The following ACTN1 variants were observed in gnomAD, a reference collection of about 807,000 sequenced individuals.
ACTN1 encodes actinin alpha 1.
In ACTN1, 30 loss-of-function variants were observed where a neutral mutation model predicts 119.6. The observed-to-expected ratio is 0.25, with a 90% CI of 0.19 to 0.34. ACTN1 has a LOEUF of 0.34. ACTN1 is among the 10% of genes least tolerant of loss of function. ACTN1 has a pLI of 1.00. For synonymous variants in ACTN1, 429 were observed against 472.6 expected (o/e 0.91, Z 1.20); for missense variants, 764 against 1,223.4 (o/e 0.62, Z 5.60).
rs1050727941 is a variant in ACTN1 at position 68,911,816 on chromosome 14, G to C, written c.427+340C>G. The stretch of plus-strand genomic sequence containing the variant: ...GAGCAAAGTGGAGGACGGGGTTAGC[G>C]CCCCTCCTGGTCCTTCCTCCCAGCC... On this transcript the variant is annotated intron_variant, in intron 4 of 21. Coordinates refer to ENST00000394419, the MANE Select transcript of ACTN1 (RefSeq NM_001130004.2). Among the ~76,000 whole-genome samples, 3 of 152,122 alleles carry C rather than the reference G, an allele frequency of 2.0e-5. No individual in the cohort carries two copies. The East Asian group carries it at 5.8e-4, about 29-fold the overall frequency.
At chr14:68,978,204 C>T (rs1382697086) in intron 1 of ACTN1, 1 of 456,286 alleles carries the variant, frequency 2.2e-6, no homozygotes, top group Non-Finnish European at 4.4e-6. Context: ...TCAACTCGAA[C>T]CGAGCTGCCC....
chr14:68,954,133 G>A (rs942446181), intron 1 of ACTN1, among the ~76,000 whole-genome samples: 1 of 151,680 alleles, frequency 6.6e-6, no homozygotes, highest in Admixed American at 6.6e-5. Context: ...AGTGTTCTCC[G>A]ACTTTCAACA....
chr14:68,913,116 T>C (rs1360347887), intron 3 of ACTN1, among the ~76,000 whole-genome samples: 1 of 152,240 alleles, frequency 6.6e-6, no homozygotes, highest in Non-Finnish European at 1.5e-5. Flanking sequence ...TAACCCAATA[T>C]ATTTAGTCTA....
At chr14:68,916,463 T>C (rs2034299329) in intron 3 of ACTN1, among the ~76,000 whole-genome samples, 1 of 152,196 alleles carries the variant, frequency 6.6e-6, no homozygotes, top group Non-Finnish European at 1.5e-5. Flanking sequence ...AAGGCATAGT[T>C]TCACTCCAGA....
chr14:68,904,718 G>A lies in ACTN1; in HGVS notation c.613C>T (p.Leu205=). 1 of 1,613,998 alleles carries A rather than the reference G, an allele frequency of 6.2e-7. No individual in the cohort carries two copies. The highest frequency in any genetic ancestry group is 8.5e-7 in the Non-Finnish European group (1 of 1,179,866). Residue 205 remains leucine, a synonymous_variant, in exon 7 of 22, where the codon CTG becomes TTG. Transcript: ENST00000394419. ...KLRKDDPLTN[L]NTAFDVAEKY... ...TCTGCCACGTCAAAAGCCGTATTCA[G>A]ATTTGTGAGTGGATCATCCTAGAGG...
intron 8 of ACTN1, among the ~76,000 whole-genome samples, chr14:68,894,235 TG>T (rs1257548992): frequency 6.6e-6 from 1 of 152,114 alleles, no homozygotes; most frequent in Non-Finnish European, 1.5e-5. Context: ...TGGGACCTCT[TG>T]GGATCCCTGC....
chr14:68,919,485 G>C (rs2034523410), intron 3 of ACTN1, among the ~76,000 whole-genome samples: 1 of 152,226 alleles, frequency 6.6e-6, no homozygotes, highest in Admixed American at 6.5e-5. Flanking sequence ...TTATTATAAG[G>C]CAGAGAACAT....
chr14:68,879,083 G>A lies in ACTN1; in HGVS notation c.2281-14C>T. On this transcript the variant is annotated splice_polypyrimidine_tract_variant and intron_variant, in intron 18 of 21. Transcript: ENST00000394419. The surrounding 1 kb of genome is among the most constrained non-coding windows in gnomAD (Gnocchi z 4.9). Reference sequence around the variant, plus strand: ...GCCGGAGTGATCCTGGGGCCGCGGTGCGCCAGGCAGCGAGCCATGCGGTGT... The same window carrying A: ...GCCGGAGTGATCCTGGGGCCGCGGTACGCCAGGCAGCGAGCCATGCGGTGT... 1 of 1,598,752 alleles carries A rather than the reference G, an allele frequency of 6.3e-7. No homozygotes were observed. Among genetic ancestry groups the A allele is most frequent in the Non-Finnish European group, 8.5e-7 (1 of 1,171,588 alleles).
intron 13 of ACTN1, 66 bp from the exon 14 acceptor site, chr14:68,884,374 A>G: frequency 6.5e-7 from 1 of 1,543,822 alleles, no homozygotes; most frequent in Admixed American, 1.9e-5. Flanking sequence ...ACTCCTATCA[A>G]GATCCTCCTG....
chr14:68,924,310 T>C (rs2034804418), intron 2 of ACTN1, among the ~76,000 whole-genome samples: 1 of 152,150 alleles, frequency 6.6e-6, no homozygotes, highest in African/African-American at 2.4e-5. Flanking sequence ...AGGTTTTATC[T>C]GAAAGTAGAA....
intron 1 of ACTN1, among the ~76,000 whole-genome samples, chr14:68,946,291 A>G (rs747078802): frequency 6.6e-6 from 1 of 152,176 alleles, no homozygotes; most frequent in African/African-American, 2.4e-5. Flanking sequence ...AAAGGATGAC[A>G]TAGTAAGGAC....
chr14:68,950,014 G>C (rs1163239358), intron 1 of ACTN1, among the ~76,000 whole-genome samples: 1 of 152,156 alleles, frequency 6.6e-6, no homozygotes, highest in East Asian at 1.9e-4. Context: ...CAGAAGATGG[G>C]GCTGGGCGCT....
chr14:68,910,102 C>T (rs2033916211), intron 4 of ACTN1, 60 bp from the exon 5 acceptor site: 9 of 1,445,668 alleles, frequency 6.2e-6, no homozygotes, highest in Admixed American at 3.5e-5. Flanking sequence ...GGAGGGATGC[C>T]GGCTCACAGG....
At chr14:68,915,087 C>T (rs942517665) in intron 3 of ACTN1, among the ~76,000 whole-genome samples, 3 of 152,142 alleles carry the variant, frequency 2.0e-5, no homozygotes, top group African/African-American at 4.8e-5. Flanking sequence ...TTAGAAACCT[C>T]GCAAAGGTAC....
chr14:68,954,110 T>C (rs1315749769), intron 1 of ACTN1, among the ~76,000 whole-genome samples: 1 of 152,202 alleles, frequency 6.6e-6, no homozygotes, highest in East Asian at 1.9e-4. Flanking sequence ...TCAATTATAA[T>C]GTATTACTCT....
Position 68,892,171 on chromosome 14 carries a change from T to C in ACTN1, c.968A>G (p.His323Arg). The part of the protein sequence containing the change: ...LEDFRDYRRL[H>R]KPPKVQEKCQ... ...CTTCTCCTGCACCTTGGGCGGCTTG[T>C]GCAGGCGCCGGTAGTCCCGGAAGTC... Residue 323 changes from histidine to arginine, a missense_variant, in exon 10 of 22, where the codon CAC (histidine) becomes CGC (arginine). By Grantham distance (29) the His-to-Arg change is conservative. This residue lies in a region of ACTN1 where 544 missense variants were observed against 912.0 expected (regional missense o/e 0.60). Coordinates refer to ENST00000394419, the MANE Select transcript of ACTN1 (RefSeq NM_001130004.2). The C allele has an allele frequency of 1.2e-6, 2 of 1,614,188 alleles. No individual in the cohort carries two copies. The highest frequency in any genetic ancestry group is 1.7e-6 in the Non-Finnish European group (2 of 1,180,030).
chr14:68,890,326 G>A (rs780587911), intron 10 of ACTN1, 40 bp from the exon 11 acceptor site: 5 of 1,607,798 alleles, frequency 3.1e-6, no homozygotes, highest in Non-Finnish European at 4.3e-6. Flanking sequence ...TCTGGCTTGG[G>A]CCTAGGCTTC....
chr14:68,978,247 G>C (rs1244486145), intron 1 of ACTN1: 1 of 455,932 alleles, frequency 2.2e-6, no homozygotes, highest in African/African-American at 2.0e-5. Context: ...GCAGGACGTA[G>C]CGCAAGCCCA....
intron 1 of ACTN1, among the ~76,000 whole-genome samples, chr14:68,950,477 T>TATATATATATATAC (rs1349794768): frequency 1.6e-4 from 23 of 144,798 alleles, no homozygotes; most frequent in African/African-American, 6.3e-4. Context: ...TATATATATA[T>TATATATATATATAC]AAATCAAACA....
Sources: allele counts gnomAD v4.1 joint callset (sites outside exome capture counted in the v4.1 genomes callset), GRCh38; gene constraint gnomAD v4.1.1; regional missense constraint gnomAD v4.1.1; non-coding constraint Gnocchi (gnomAD v3.1); transcripts MANE v1.5; gene names NCBI Gene and HGNC (gene_info 2026-07-23, HGNC 2026-07-21).